The following SYT1 variants were observed in gnomAD, a reference collection of about 807,000 sequenced individuals.
The protein encoded by SYT1 is synaptotagmin-1.
A neutral mutation model predicts 44.8 loss-of-function variants in SYT1; 8 were observed. The ratio of observed to expected loss-of-function variants is 0.18; its 90% CI spans 0.10 to 0.32. The LOEUF is 0.32. Ranked by LOEUF, SYT1 falls within the 10% of genes least tolerant of loss-of-function variation. SYT1 has a pLI of 1.00. For synonymous variants in SYT1, 154 were observed against 188.8 expected, an observed-to-expected ratio of 0.82 and a Z score of 1.51; for missense variants, 286 against 509.3, an observed-to-expected ratio of 0.56 and a Z score of 4.22.
intron 4 of SYT1, among the ~76,000 whole-genome samples, chr12:79,243,242 C>A (rs757453197): frequency 3.9e-5 from 6 of 152,150 alleles, no homozygotes; most frequent in African/African-American, 7.2e-5. Context: ...ATCAAATAGT[C>A]TCCAAAATGT....
At chr12:78,978,062 T>A (rs760814901) in intron 2 of SYT1, 131 bp downstream of exon 2, 1 of 152,238 alleles carries the variant, frequency 6.6e-6, no homozygotes, top group African/African-American at 2.4e-5. Context: ...ATTGAAGAAC[T>A]GTATCTCTTT....
chr12:78,880,516 A>T (rs1012957014), intron 1 of SYT1, among the ~76,000 whole-genome samples: 1 of 151,506 alleles, frequency 6.6e-6, no homozygotes, highest in Non-Finnish European at 1.5e-5. Flanking sequence ...AGAGATTTTT[A>T]TATTTTTTAC....
intron 9 of SYT1, among the ~76,000 whole-genome samples, chr12:79,357,800 A>T (rs949421328): frequency 1.3e-5 from 2 of 152,174 alleles, no homozygotes; most frequent in African/African-American, 2.4e-5. Flanking sequence ...AACATGTCTC[A>T]ATAGCTTCGT....
At chr12:79,350,756 G>A (rs187968002) in intron 8 of SYT1, among the ~76,000 whole-genome samples, 5 of 152,226 alleles carry the variant, frequency 3.3e-5, no homozygotes, top group Admixed American at 3.3e-4. Flanking sequence ...GGGCATTAGG[G>A]AAAGCATATA....
chr12:79,004,650 G>A (rs994243053), intron 2 of SYT1, among the ~76,000 whole-genome samples: 4 of 151,864 alleles, frequency 2.6e-5, no homozygotes, highest in African/African-American at 7.2e-5. Flanking sequence ...AAATAATAAT[G>A]CAATTTTGAT....
At chr12:79,122,316 C>T (rs1005010003) in intron 3 of SYT1, among the ~76,000 whole-genome samples, 4 of 151,208 alleles carry the variant, frequency 2.6e-5, no homozygotes, top group Non-Finnish European at 5.9e-5. Context: ...AGATCGAGAC[C>T]ATCCTGGCTA....
chr12:79,271,530 T>G (rs1250678949), intron 4 of SYT1, among the ~76,000 whole-genome samples: 1 of 152,110 alleles, frequency 6.6e-6, no homozygotes, highest in African/African-American at 2.4e-5. Flanking sequence ...GACTGAGATT[T>G]TAACACCTGG....
chr12:79,443,990 GA>G, intron 9 of SYT1, 82 bp from the exon 10 acceptor site: 1 of 1,428,226 alleles, frequency 7.0e-7, no homozygotes, highest in Non-Finnish European at 9.5e-7. Context: ...TTACCTGTGG[GA>G]AATAGTTCTT....
chr12:79,416,699 A>G (rs892484847), intron 9 of SYT1, among the ~76,000 whole-genome samples: 1 of 152,206 alleles, frequency 6.6e-6, no homozygotes, highest in Admixed American at 6.5e-5. Context: ...TTTTTTTGCT[A>G]AAAGAATGAG....
chr12:79,170,554 G>T (rs752198392), intron 3 of SYT1, among the ~76,000 whole-genome samples: 9 of 151,780 alleles, frequency 5.9e-5, no homozygotes, highest in South Asian at 2.1e-4. Flanking sequence ...TGTTTGTGGG[G>T]TTTTTTGTAC....
At chr12:79,127,178 C>T (rs1868494263) in intron 3 of SYT1, among the ~76,000 whole-genome samples, 1 of 152,260 alleles carries the variant, frequency 6.6e-6, no homozygotes, top group African/African-American at 2.4e-5. Flanking sequence ...TTTAGAGCTT[C>T]ACTCTCTTCA....
intron 2 of SYT1, among the ~76,000 whole-genome samples, chr12:79,042,966 T>A (rs1260378733): frequency 1.3e-5 from 2 of 149,554 alleles, no homozygotes; most frequent in Non-Finnish European, 3.0e-5. Context: ...TGAGTTCTAG[T>A]TTGATTGCAC....
chr12:79,063,771 A>G (rs1055175570), intron 3 of SYT1, among the ~76,000 whole-genome samples: 4 of 152,274 alleles, frequency 2.6e-5, no homozygotes, highest in African/African-American at 9.6e-5. Flanking sequence ...TAATAAAACA[A>G]ATACAGTAAC....
At chr12:79,184,652 T>A (rs934903776) in intron 3 of SYT1, among the ~76,000 whole-genome samples, 1 of 152,020 alleles carries the variant, frequency 6.6e-6, no homozygotes. Flanking sequence ...GTAAACTATA[T>A]TAAGAGATAA....
At chr12:79,233,349 G>C (rs1241198825) in intron 4 of SYT1, among the ~76,000 whole-genome samples, 1 of 152,204 alleles carries the variant, frequency 6.6e-6, no homozygotes, top group Non-Finnish European at 1.5e-5. Flanking sequence ...TTTTCACTGA[G>C]ACAGTTCAAA....
At chr12:79,183,301 T>C (rs1345221465) in intron 3 of SYT1, among the ~76,000 whole-genome samples, 2 of 151,958 alleles carry the variant, frequency 1.3e-5, no homozygotes, top group African/African-American at 2.4e-5. Context: ...GTGAACACAG[T>C]AAGTTGCGCA....
At chr12:79,211,549 C>T (rs1874452754) in intron 3 of SYT1, among the ~76,000 whole-genome samples, 1 of 151,748 alleles carries the variant, frequency 6.6e-6, no homozygotes, top group Admixed American at 6.6e-5. Context: ...ACTAACTCAT[C>T]ATCTAGCATT....
chr12:78,867,751 T>C (rs190911289), intron 1 of SYT1, among the ~76,000 whole-genome samples: 32 of 152,144 alleles, frequency 2.1e-4, no homozygotes, highest in Non-Finnish European at 3.2e-4. Flanking sequence ...GAATATTAGT[T>C]ATTTCATCTG....
chr12:79,081,346 A>G (rs906897769), intron 3 of SYT1, among the ~76,000 whole-genome samples: 1 of 151,850 alleles, frequency 6.6e-6, no homozygotes, highest in Non-Finnish European at 1.5e-5. Context: ...TTACCTCCAC[A>G]GTGGAATCTG....
Sources: allele counts gnomAD v4.1 joint callset (sites outside exome capture counted in the v4.1 genomes callset), GRCh38; gene constraint gnomAD v4.1.1; transcripts MANE v1.5; gene names NCBI Gene and HGNC (gene_info 2026-07-23, HGNC 2026-07-21).